The following GOLPH3 variants were observed in gnomAD, a reference collection of about 807,000 sequenced individuals.
GOLPH3 encodes the protein coat protein GPP34.
In GOLPH3, 14 loss-of-function variants were observed where a neutral mutation model predicts 28.5. The observed-to-expected ratio is 0.49, with a 90% CI of 0.32 to 0.77. The LOEUF is 0.77. Ranked by LOEUF, GOLPH3 falls within the 30% of genes least tolerant of loss-of-function variation. GOLPH3 has a pLI of 0.03. For synonymous variants in GOLPH3, 158 were observed against 159.2 expected (o/e 0.99, Z 0.06); for missense variants, 350 against 393.7 (o/e 0.89, Z 0.94).
intron 3 of GOLPH3, among the ~76,000 whole-genome samples, chr5:32,131,197 C>T (rs577770371): frequency 2.8e-4 from 43 of 152,304 alleles, no homozygotes; most frequent in African/African-American, 7.7e-4. Context: ...AGAAATCTCA[C>T]GAGCAGAAGG....
At chr5:32,172,223 T>C (rs1002077614) in intron 1 of GOLPH3, among the ~76,000 whole-genome samples, 3 of 152,132 alleles carry the variant, frequency 2.0e-5, no homozygotes, top group Admixed American at 1.3e-4. Flanking sequence ...ATATGGCAAA[T>C]GCCCCAGACG....
chr5:32,163,745 G>C (rs374308516), intron 1 of GOLPH3, among the ~76,000 whole-genome samples: 13 of 151,852 alleles, frequency 8.6e-5, no homozygotes, highest in African/African-American at 2.9e-4. Flanking sequence ...TTCAATACTT[G>C]GATTAAACGG....
rs1469843264 is a variant in GOLPH3 at position 32,142,785 on chromosome 5, AGCCCCTCTGTCCG to A, written c.357+951_357+963del. On this transcript the variant is annotated intron_variant, in intron 2 of 3. Coordinates refer to ENST00000265070, the MANE Select transcript of GOLPH3 (RefSeq NM_022130.4). ...CGGCCGCCCCTACTGGGAAGTGAGG[AGCCCCTCTGTCCG>A]GCCAGCTGCCCCGTCCAGGAGGGAG... 1.3e-3 allele frequency among the ~76,000 whole-genome samples: 187 copies of A among 141,086 alleles called. 2 individuals carry two copies. The highest frequency in any genetic ancestry group is 5.0e-3 in the African/African-American group (184 of 36,554). The allele number at this position is 141,086 out of a possible 152,430, so 92.6% of individuals were successfully genotyped here.
chr5:32,153,434 C>G (rs138393541), intron 1 of GOLPH3, among the ~76,000 whole-genome samples: 3 of 143,964 alleles, frequency 2.1e-5, no homozygotes, highest in African/African-American at 7.6e-5. Context: ...AAAAAAAAAA[C>G]TCCTGAAGAA....
intron 2 of GOLPH3, among the ~76,000 whole-genome samples, chr5:32,137,964 C>T (rs1159748720): frequency 2.7e-5 from 4 of 145,958 alleles, no homozygotes; most frequent in Non-Finnish European, 5.9e-5. Context: ...AGTGCAATGG[C>T]GTGATCTCAG....
intron 1 of GOLPH3, among the ~76,000 whole-genome samples, chr5:32,163,128 G>C (rs1054495812): frequency 7.9e-5 from 12 of 152,116 alleles, no homozygotes; most frequent in Non-Finnish European, 1.5e-5. Context: ...GAAAACTAAG[G>C]TTCTAAAATT....
Position 32,142,671 on chromosome 5 carries a change from G to A in GOLPH3, c.357+1078C>T, listed in dbSNP as rs544289403. ...GGTGGGGGGGTCAGCCCCCAAGCCC[G>A]GCCAGCCGCCCCGTCCGGGAGGGAG... On this transcript the variant is annotated intron_variant, in intron 2 of 3. Transcript: ENST00000265070. Among the ~76,000 whole-genome samples the A allele has an allele frequency of 5.6e-5, 8 of 141,976 alleles. No individual in the cohort carries two copies. The East Asian group carries it at 6.6e-4, about 12-fold the overall frequency. The allele number at this position is 141,976 out of a possible 152,430, so 93.1% of individuals were successfully genotyped here. A position where few individuals can be genotyped will look rare whatever the true frequency, so the allele number is the denominator to read the frequency against.
chr5:32,138,613 CA>C (rs751052737), intron 2 of GOLPH3, among the ~76,000 whole-genome samples: 1 of 152,116 alleles, frequency 6.6e-6, no homozygotes, highest in Non-Finnish European at 1.5e-5. Context: ...TAACCAAATA[CA>C]ACCAAAATAT....
At position 32,124,992 on chromosome 5, in the gene GOLPH3, T is replaced by A. The variant is rs1745644465; in HGVS notation, c.*1220A>T. The A allele has an allele frequency of 6.6e-6, 1 of 152,602 alleles. No homozygotes were observed. The highest frequency in any genetic ancestry group is 1.5e-5 in the Non-Finnish European group (1 of 68,026). The allele number at this position is 152,602 out of a possible 1,614,324, so 9.5% of individuals were successfully genotyped here. A position where few individuals can be genotyped will look rare whatever the true frequency, so the allele number is the denominator to read the frequency against. On this transcript the variant is annotated 3_prime_UTR_variant, in exon 4 of 4. Transcript: ENST00000265070. ...ATACAATAAAGTGATAAAGAAATAG[T>A]AAAAATAAACTTTAAAAAGCAAAGG...
At chr5:32,161,608 T>C (rs1246430279) in intron 1 of GOLPH3, among the ~76,000 whole-genome samples, 2 of 151,302 alleles carry the variant, frequency 1.3e-5, no homozygotes, top group Non-Finnish European at 2.9e-5. Flanking sequence ...TATTTAATTG[T>C]GACTGGAGTC....
At chr5:32,128,697 G>T (rs2111833652) in intron 3 of GOLPH3, among the ~76,000 whole-genome samples, 1 of 151,688 alleles carries the variant, frequency 6.6e-6, no homozygotes, top group South Asian at 2.1e-4. Flanking sequence ...TTAAAAACAA[G>T]TTGATCCACA....
At chr5:32,145,361 G>T (rs1186437421) in intron 1 of GOLPH3, among the ~76,000 whole-genome samples, 4 of 152,214 alleles carry the variant, frequency 2.6e-5, no homozygotes, top group African/African-American at 9.6e-5. Flanking sequence ...CTGATCAAAT[G>T]AAGATTACCA....
intron 2 of GOLPH3, among the ~76,000 whole-genome samples, chr5:32,139,575 T>TA (rs549745488): frequency 2.0e-4 from 31 of 152,378 alleles, no homozygotes; most frequent in African/African-American, 6.3e-4. Flanking sequence ...TGCTTCTGCT[T>TA]ACAACTTTTC....
chr5:32,147,040 T>C (rs1163521514), intron 1 of GOLPH3, among the ~76,000 whole-genome samples: 1 of 152,168 alleles, frequency 6.6e-6, no homozygotes, highest in African/African-American at 2.4e-5. Context: ...GTAATCTTAT[T>C]TTGAAGTTAC....
chr5:32,174,113 C>G lies in GOLPH3; in HGVS notation c.-79G>C, dbSNP rs2111907359. 6.0e-6 allele frequency: 6 copies of G among 1,003,754 alleles called. No individual in the cohort carries two copies. In the South Asian group the frequency reaches 2.3e-4, roughly 39 times the overall value. 62.2% of individuals were successfully genotyped at this position (1,003,754 alleles called of 1,614,324 possible). ...CGCCCTCCTCCTCCCCGCGCGGCCTCCGATCCGGGTTTCCGTGTTAAATCC... is the reference window on the plus strand; with the variant it reads ...CGCCCTCCTCCTCCCCGCGCGGCCTGCGATCCGGGTTTCCGTGTTAAATCC... On this transcript the variant is annotated 5_prime_UTR_variant, in exon 1 of 4. Transcript: ENST00000265070.
At chr5:32,126,689 G>A in intron 3 of GOLPH3, 53 bp from the exon 4 acceptor site, 3 of 1,479,886 alleles carry the variant, frequency 2.0e-6, no homozygotes, top group Non-Finnish European at 2.7e-6. Context: ...TGCTAATTTT[G>A]CAAAAATTTT....
rs1745687776 is a variant in GOLPH3, at chr5:32,126,627, C to G, written c.482G>C (p.Trp161Ser). Reference protein sequence around the residue: ...NWIELLSGETWNPLKLHYQLR... With the variant: ...NWIELLSGETSNPLKLHYQLR... ...CTGATAATGCAATTTTAATGGATTCCATGTCTCACCTAAACAAAAGATTTC... is the reference window on the plus strand; with the variant it reads ...CTGATAATGCAATTTTAATGGATTCGATGTCTCACCTAAACAAAAGATTTC... Residue 161 changes from tryptophan to serine, a missense_variant, in exon 4 of 4, where the codon TGG becomes TCG. Physicochemically the swap from Trp to Ser is radical, Grantham distance 177 (BLOSUM62 -3). Coordinates refer to ENST00000265070, the MANE Select transcript of GOLPH3 (RefSeq NM_022130.4). The G allele has an allele frequency of 3.7e-6, 6 of 1,609,714 alleles. No individual in the cohort carries two copies. Among genetic ancestry groups the G allele is most frequent in the Non-Finnish European group, 5.1e-6 (6 of 1,177,978 alleles).
At chr5:32,173,516 G>A (rs1365340271) in intron 1 of GOLPH3, among the ~76,000 whole-genome samples, 1 of 152,160 alleles carries the variant, frequency 6.6e-6, no homozygotes. Context: ...CGGAAAAAAG[G>A]CGACGAAGAA....
chr5:32,156,149 C>A (rs1255268005), intron 1 of GOLPH3, among the ~76,000 whole-genome samples: 1 of 151,974 alleles, frequency 6.6e-6, no homozygotes, highest in Admixed American at 6.6e-5. Context: ...AGGAAGCAGG[C>A]CCTCACCAAT....
Sources: allele counts gnomAD v4.1 joint callset (sites outside exome capture counted in the v4.1 genomes callset), GRCh38; gene constraint gnomAD v4.1.1; transcripts MANE v1.5; gene names NCBI Gene and HGNC (gene_info 2026-07-23, HGNC 2026-07-21).